AUTS2: variants seen among roughly 807,000 people sequenced by gnomAD.
The protein encoded by AUTS2 is autism susceptibility gene 2 protein.
In AUTS2, 17 loss-of-function variants were observed where a neutral mutation model predicts 112.4. That is an observed-to-expected ratio of 0.15 (90% confidence interval 0.10 to 0.23). AUTS2 has a LOEUF of 0.23. Among genes scored for constraint, AUTS2 ranks in the 10% least tolerant of loss-of-function variants. AUTS2 has a pLI of 1.00. For synonymous variants in AUTS2, 751 were observed against 702.7 expected, an observed-to-expected ratio of 1.07 and a Z score of -1.09; for missense variants, 1,510 against 1,701.6, an observed-to-expected ratio of 0.89 and a Z score of 1.98.
chr7:69,636,531 C>T (rs900002365), intron 1 of AUTS2, among the ~76,000 whole-genome samples: 2 of 133,030 alleles, frequency 1.5e-5, no homozygotes, highest in Middle Eastern at 5.0e-3. Context: ...GGTGTGAGTC[C>T]CCACACCTGG....
intron 5 of AUTS2, among the ~76,000 whole-genome samples, chr7:70,682,602 T>G (rs1486665575): frequency 6.6e-6 from 1 of 152,230 alleles, no homozygotes; most frequent in African/African-American, 2.4e-5. Context: ...CATCCTGGCA[T>G]GTGCTCACCT....
At chr7:69,715,757 A>C (rs1413765763) in intron 1 of AUTS2, among the ~76,000 whole-genome samples, 1 of 152,240 alleles carries the variant, frequency 6.6e-6, no homozygotes, top group Non-Finnish European at 1.5e-5. Flanking sequence ...AATGTAGATG[A>C]TGATTGCTTT....
intron 4 of AUTS2, among the ~76,000 whole-genome samples, chr7:70,391,829 G>A (rs990431961): frequency 1.6e-4 from 24 of 152,154 alleles, no homozygotes; most frequent in Middle Eastern, 6.8e-3. Flanking sequence ...AAAGCAAATC[G>A]CCTGTGTTGG....
At chr7:69,605,265 T>C (rs1792650971) in intron 1 of AUTS2, among the ~76,000 whole-genome samples, 1 of 152,158 alleles carries the variant, frequency 6.6e-6, no homozygotes, top group African/African-American at 2.4e-5. Context: ...AAGCTTGTAG[T>C]CGGTGCGTGG....
intron 4 of AUTS2, among the ~76,000 whole-genome samples, chr7:70,307,624 G>A (rs1197469717): frequency 6.6e-6 from 1 of 152,100 alleles, no homozygotes; most frequent in Non-Finnish European, 1.5e-5. Context: ...TTTATTGGTA[G>A]GGAAACTGAG....
chr7:69,792,370 G>A (rs897550726), intron 1 of AUTS2, among the ~76,000 whole-genome samples: 1 of 151,886 alleles, frequency 6.6e-6, no homozygotes, highest in Non-Finnish European at 1.5e-5. Flanking sequence ...CTCCCGAGTA[G>A]CTGGGACTAC....
chr7:70,086,900 TAATGTC>T (rs1482520417), intron 2 of AUTS2, among the ~76,000 whole-genome samples: 2 of 151,932 alleles, frequency 1.3e-5, no homozygotes, highest in African/African-American at 4.8e-5. Context: ...ATATAGTTGA[TAATGTC>T]AAAGAAGAGT....
chr7:69,865,655 C>T (rs374364387), intron 1 of AUTS2, among the ~76,000 whole-genome samples: 2 of 152,126 alleles, frequency 1.3e-5, no homozygotes, highest in African/African-American at 4.8e-5. Flanking sequence ...TATCTTGTGC[C>T]AAGGCCATTC....
At chr7:70,376,266 C>G (rs893576391) in intron 4 of AUTS2, among the ~76,000 whole-genome samples, 1 of 152,136 alleles carries the variant, frequency 6.6e-6, no homozygotes, top group Non-Finnish European at 1.5e-5. Flanking sequence ...AAACACATTG[C>G]TTAATTCCTA....
At chr7:70,352,140 CTG>C (rs1199920393) in intron 4 of AUTS2, among the ~76,000 whole-genome samples, 1 of 152,212 alleles carries the variant, frequency 6.6e-6, no homozygotes, top group East Asian at 1.9e-4. Context: ...TACTAAAAAA[CTG>C]AGGCACAAGG....
At chr7:70,195,397 A>T (rs910856331) in intron 4 of AUTS2, among the ~76,000 whole-genome samples, 1 of 152,202 alleles carries the variant, frequency 6.6e-6, no homozygotes, top group Non-Finnish European at 1.5e-5. Flanking sequence ...CTGTAATCCC[A>T]GCACTTTGGG....
intron 18 of AUTS2, 59 bp from the exon 19 acceptor site, chr7:70,789,688 GC>G (rs1182035130): frequency 6.4e-7 from 1 of 1,552,888 alleles, no homozygotes; most frequent in African/African-American, 1.4e-5. Context: ...GCAGCCCCTG[GC>G]CCGGCCGACT....
chr7:70,660,248 G>A (rs1032835497), intron 5 of AUTS2, among the ~76,000 whole-genome samples: 28 of 152,100 alleles, frequency 1.8e-4, no homozygotes, highest in African/African-American at 6.8e-4. Flanking sequence ...ATCCTTGGCA[G>A]GGTCTACAGT....
At chr7:70,731,303 C>T (rs554434613) in intron 6 of AUTS2, among the ~76,000 whole-genome samples, 10 of 149,424 alleles carry the variant, frequency 6.7e-5, no homozygotes, top group East Asian at 5.9e-4. Flanking sequence ...TTCCAAATGA[C>T]GGTCAAGAAG....
intron 6 of AUTS2, among the ~76,000 whole-genome samples, chr7:70,722,624 A>C (rs1007120626): frequency 6.6e-6 from 1 of 152,222 alleles, no homozygotes; most frequent in Non-Finnish European, 1.5e-5. Context: ...GCAAGCTGAC[A>C]GGTTAATCAA....
At chr7:70,142,247 A>G (rs1338683912) in intron 4 of AUTS2, among the ~76,000 whole-genome samples, 1 of 152,172 alleles carries the variant, frequency 6.6e-6, no homozygotes, top group African/African-American at 2.4e-5. Flanking sequence ...CTGGCCCCTC[A>G]GATTTAGAGG....
In AUTS2 at chr7:69,599,660, G is replaced by A; in HGVS notation, c.7G>A (p.Gly3Ser). 7.7e-7 allele frequency: 1 copy of A among 1,303,370 alleles called. No homozygotes were observed. 80.7% of individuals were successfully genotyped at this position (1,303,370 alleles called of 1,614,324 possible). A position where few individuals can be genotyped will look rare whatever the true frequency, so the allele number is the denominator to read the frequency against. Residue 3 changes from glycine (G) to serine (S), a missense_variant, in exon 1 of 19, where the codon GGC becomes AGC. Gly to Ser is a moderately conservative substitution (Grantham distance 56). This residue lies in a region of AUTS2 where 535 missense variants were observed against 594.3 expected (regional missense o/e 0.90). Coordinates refer to ENST00000342771, the MANE Select transcript of AUTS2 (RefSeq NM_015570.4). The surrounding 1 kb of genome is among the most constrained non-coding windows in gnomAD (Gnocchi z 7.0). ...ACCCCGGCGCAGCAGAACCATGGATGGCCCGACGCGGGGCCATGGACTCCG... is the reference window on the plus strand; with the variant it reads ...ACCCCGGCGCAGCAGAACCATGGATAGCCCGACGCGGGGCCATGGACTCCG... MD[G>S]PTRGHGLRKK...
At chr7:69,911,346 C>T (rs1319905065) in intron 2 of AUTS2, among the ~76,000 whole-genome samples, 1 of 152,212 alleles carries the variant, frequency 6.6e-6, no homozygotes, top group Non-Finnish European at 1.5e-5. Flanking sequence ...ACAGCCCTGC[C>T]TCAGGGAGCC....
At chr7:70,623,950 C>T (rs1804808497) in intron 5 of AUTS2, among the ~76,000 whole-genome samples, 1 of 152,234 alleles carries the variant, frequency 6.6e-6, no homozygotes, top group Non-Finnish European at 1.5e-5. Flanking sequence ...GATGTTCCCT[C>T]AAGATCTGCC....
Sources: gnomAD v4.1 joint callset for allele counts (sites outside exome capture counted in the v4.1 genomes callset) on GRCh38, gnomAD v4.1.1 for gene constraint, gnomAD v4.1.1 regional missense constraint, Gnocchi (gnomAD v3.1) non-coding constraint, MANE v1.5 for transcripts, NCBI Gene and HGNC (gene_info 2026-07-23, HGNC 2026-07-21) for gene names.